CERT1: variants seen among roughly 807,000 people sequenced by gnomAD.
The protein encoded by CERT1 is ceramide transfer protein.
In CERT1, 31 loss-of-function variants were observed where a neutral mutation model predicts 87.9. The ratio of observed to expected loss-of-function variants is 0.35; its 90% CI spans 0.27 to 0.48. The LOEUF is 0.48. Ranked by LOEUF, CERT1 falls within the 20% of genes least tolerant of loss-of-function variation. The pLI, the probability that CERT1 is intolerant of heterozygous loss-of-function variation, is 0.99. For missense variants in CERT1, 487 were observed against 758.0 expected, an observed-to-expected ratio of 0.64 and a Z score of 4.20; for synonymous variants, 289 against 250.9, an observed-to-expected ratio of 1.15 and a Z score of -1.44.
At chr5:75,384,825 T>G in intron 13 of CERT1, 113 bp from the exon 14 acceptor site, 3 of 653,054 alleles carry the variant, frequency 4.6e-6, no homozygotes, top group Non-Finnish European at 8.1e-6. Context: ...AACAGGATCC[T>G]GCCCTATCTA....
chr5:75,422,912 C>T (rs1365639784), intron 5 of CERT1, among the ~76,000 whole-genome samples: 2 of 152,108 alleles, frequency 1.3e-5, no homozygotes, highest in Admixed American at 6.6e-5. Context: ...GGGAGGCTAC[C>T]TATAAGCCAA....
chr5:75,509,953 T>C (rs185866606), intron 1 of CERT1, among the ~76,000 whole-genome samples: 2 of 152,338 alleles, frequency 1.3e-5, no homozygotes, highest in East Asian at 1.9e-4. Flanking sequence ...TTTGCTGCTA[T>C]ACAAATAAAA....
At chr5:75,466,748 T>G (rs1370411802) in intron 2 of CERT1, among the ~76,000 whole-genome samples, 1 of 152,168 alleles carries the variant, frequency 6.6e-6, no homozygotes, top group Non-Finnish European at 1.5e-5. Flanking sequence ...GGACTATCCC[T>G]CCATACTTAC....
intron 3 of CERT1, among the ~76,000 whole-genome samples, chr5:75,427,736 G>C (rs1763681480): frequency 6.6e-6 from 1 of 152,132 alleles, no homozygotes; most frequent in Non-Finnish European, 1.5e-5. Flanking sequence ...ATGGTTCTAG[G>C]TAAGTATTTA....
At chr5:75,504,802 A>G (rs1322182080) in intron 2 of CERT1, among the ~76,000 whole-genome samples, 1 of 142,628 alleles carries the variant, frequency 7.0e-6, no homozygotes, top group Non-Finnish European at 1.5e-5. Context: ...CTTAACCAGT[A>G]TGCTATTTTT....
At chr5:75,439,282 A>C (rs1290445511) in intron 3 of CERT1, among the ~76,000 whole-genome samples, 8 of 152,010 alleles carry the variant, frequency 5.3e-5, no homozygotes, top group Non-Finnish European at 1.2e-4. Flanking sequence ...TGTGGAAGAT[A>C]AACTCGTACA....
At position 75,411,074 on chromosome 5, in the gene CERT1, T is replaced by G; in HGVS notation, c.867A>C (p.Glu289Asp). 1.3e-6 allele frequency: 2 copies of G among 1,590,282 alleles called. No homozygotes were observed. ...GTTCTGTCATTGCATTTTTATATGCTTCCTCTGTTCTTCTTTTCTTCTCAG... is the reference window on the plus strand; with the variant it reads ...GTTCTGTCATTGCATTTTTATATGCGTCCTCTGTTCTTCTTTTCTTCTCAG... Reference protein sequence around the residue: ...KETEKKRRTEEAYKNAMTELK... With the variant: ...KETEKKRRTEDAYKNAMTELK... The change falls in exon 8 of 17, where the codon GAA (glutamate) becomes GAC (aspartate). Residue 289 changes from glutamate (E) to aspartate (D), a missense_variant. Around this residue, in one of 8 missense-constraint regions of CERT1, gnomAD observed 21 missense variants for 20.4 expected, o/e 1.03. Transcript: ENST00000643780.
chr5:75,473,561 G>C (rs1414614449), intron 2 of CERT1, among the ~76,000 whole-genome samples: 2 of 152,190 alleles, frequency 1.3e-5, no homozygotes, highest in African/African-American at 4.8e-5. Context: ...GTAGTTACCA[G>C]AGTCTGGAGT....
intron 2 of CERT1, among the ~76,000 whole-genome samples, chr5:75,504,483 T>A (rs1449361201): frequency 1.3e-5 from 2 of 152,208 alleles, no homozygotes; most frequent in African/African-American, 2.4e-5. Flanking sequence ...GGAAATAATG[T>A]ATAAAAAATA....
intron 3 of CERT1, among the ~76,000 whole-genome samples, chr5:75,446,047 G>C (rs764312168): frequency 4.6e-5 from 7 of 152,106 alleles, no homozygotes; most frequent in Non-Finnish European, 8.8e-5. Context: ...TTATATTCAT[G>C]TCTTTCATCA....
chr5:75,466,404 T>C (rs1344361949), intron 2 of CERT1, among the ~76,000 whole-genome samples: 3 of 152,206 alleles, frequency 2.0e-5, no homozygotes, highest in Non-Finnish European at 2.9e-5. Context: ...CACTTCTTAG[T>C]TGTATGAGGT....
At chr5:75,484,481 AC>A (rs1317012099) in intron 2 of CERT1, among the ~76,000 whole-genome samples, 1 of 147,696 alleles carries the variant, frequency 6.8e-6, no homozygotes, top group Non-Finnish European at 1.5e-5. Context: ...AAAAAGCAAG[AC>A]CCAATGATCT....
chr5:75,396,729 CA>C (rs375730002), intron 11 of CERT1, among the ~76,000 whole-genome samples: 15,938 of 92,496 alleles, frequency 0.17, 771 homozygotes, highest in East Asian at 0.33. Flanking sequence ...AACTCCGTCT[CA>C]AAAAAAAAAA....
intron 2 of CERT1, among the ~76,000 whole-genome samples, chr5:75,494,041 T>C (rs1374936097): frequency 6.6e-6 from 1 of 152,300 alleles, no homozygotes; most frequent in South Asian, 2.1e-4. Context: ...CTGACAAATT[T>C]CCTTCTTTTT....
At chr5:75,404,415 G>A (rs142292206) in intron 8 of CERT1, among the ~76,000 whole-genome samples, 1 of 152,072 alleles carries the variant, frequency 6.6e-6, no homozygotes, top group Non-Finnish European at 1.5e-5. Context: ...GGACAAGAGG[G>A]TCATGAAAAA....
intron 8 of CERT1, among the ~76,000 whole-genome samples, chr5:75,405,418 G>A (rs531275920): frequency 6.6e-6 from 1 of 152,204 alleles, no homozygotes; most frequent in South Asian, 2.1e-4. Context: ...GTCATCCTTT[G>A]ATGACTCCTA....
Position 75,400,231 on chromosome 5 carries a change from C to G in CERT1, c.1084G>C (p.Val362Leu). 6.2e-7 allele frequency: 1 copy of G among 1,613,200 alleles called. No homozygotes were observed. The highest frequency in any genetic ancestry group is 8.5e-7 in the Non-Finnish European group (1 of 1,179,204). ...TTTTGGACAAATCTATGTGTCCCCA[C>G]AGAAGAAAAGGCATCTCCAGAGGGC... Reference protein sequence around the residue: ...SLPSGDAFSSVGTHRFVQKPY... With the variant: ...SLPSGDAFSSLGTHRFVQKPY... The change falls in exon 10 of 17, where the codon GTG becomes CTG. Residue 362 changes from valine (V) to leucine (L), a missense_variant. This residue lies in a region of CERT1 where 91 missense variants were observed against 86.7 expected (regional missense o/e 1.05). Coordinates refer to ENST00000643780, the MANE Select transcript of CERT1 (RefSeq NM_001379029.1).
At chr5:75,442,933 C>T (rs1016919915) in intron 3 of CERT1, among the ~76,000 whole-genome samples, 17 of 152,136 alleles carry the variant, frequency 1.1e-4, no homozygotes, top group Admixed American at 7.2e-4. Context: ...TAAACTTTAT[C>T]GTAAGTATGT....
rs1391703466 is a variant in CERT1 at position 75,490,502 on chromosome 5, TA to T, written c.231+15479del. 3.7e-4 allele frequency among the ~76,000 whole-genome samples: 48 copies of T among 129,410 alleles called. No individual in the cohort carries two copies. In the East Asian group the frequency reaches 8.9e-3, roughly 24 times the overall value. 84.9% of individuals were successfully genotyped at this position (129,410 alleles called of 152,430 possible). On this transcript the variant is annotated intron_variant, in intron 2 of 16. Coordinates refer to ENST00000643780, the MANE Select transcript of CERT1 (RefSeq NM_001379029.1). ...TCAACACCTGTACGAAATTTTTATT[TA>T]TTTATTTTTTTTTGAGACAGAGTCT...
Sources: gnomAD v4.1 joint callset for allele counts (sites outside exome capture counted in the v4.1 genomes callset) on GRCh38, gnomAD v4.1.1 for gene constraint, gnomAD v4.1.1 regional missense constraint, MANE v1.5 for transcripts, NCBI Gene and HGNC (gene_info 2026-07-23, HGNC 2026-07-21) for gene names.